PCYT1B: variants seen among roughly 807,000 people sequenced by gnomAD.
The protein encoded by PCYT1B is phosphate cytidylyltransferase 1B, choline, also known as choline-phosphate cytidylyltransferase B.
A neutral mutation model predicts 26.4 loss-of-function variants in PCYT1B; 10 were observed. That is an observed-to-expected ratio of 0.38 (90% CI 0.23 to 0.64). The LOEUF is 0.64. Among genes scored for constraint, PCYT1B ranks in the 30% least tolerant of loss-of-function variants. The pLI is 0.56. For synonymous variants in PCYT1B, 131 were observed against 108.4 expected, an observed-to-expected ratio of 1.21 and a Z score of -1.29; for missense variants, 161 against 292.7, an observed-to-expected ratio of 0.55 and a Z score of 3.28.
intron 2 of PCYT1B, among the ~76,000 whole-genome samples, chrX:24,609,957 G>A (rs1306763737): frequency 9.0e-6 from 1 of 110,503 alleles, no homozygotes; most frequent in South Asian, 3.9e-4. Flanking sequence ...GCCAGATATG[G>A]TGGTAGGCGC....
At chrX:24,670,352 A>G (rs951729132) in intron 1 of PCYT1B, among the ~76,000 whole-genome samples, 1 of 112,263 alleles carries the variant, frequency 8.9e-6, no homozygotes, top group African/African-American at 3.2e-5. Context: ...GTTCATGATT[A>G]TTTTCACCTT....
chrX:24,568,587 A>G (rs58829971), intron 7 of PCYT1B, among the ~76,000 whole-genome samples: 5,866 of 110,615 alleles, frequency 0.053, 262 homozygotes, highest in African/African-American at 0.15. Flanking sequence ...GTATGAACCA[A>G]TGTAATCCTC....
At chrX:24,603,801 A>T (rs1925039776) in intron 3 of PCYT1B, among the ~76,000 whole-genome samples, 1 of 112,120 alleles carries the variant, frequency 8.9e-6, no homozygotes, top group African/African-American at 3.2e-5. Context: ...TTTTGCATAC[A>T]ATCACAAAGT....
chrX:24,654,749 C>CAA (rs574317952), intron 1 of PCYT1B, among the ~76,000 whole-genome samples: 19,398 of 39,953 alleles, frequency 0.49, 4,600 homozygotes, highest in East Asian at 0.56. Flanking sequence ...GACCCTGTCT[C>CAA]AAAAAAAAAA....
intron 1 of PCYT1B, among the ~76,000 whole-genome samples, chrX:24,669,437 A>T (rs1285299284): frequency 1.0e-5 from 1 of 97,966 alleles, no homozygotes; most frequent in African/African-American, 3.8e-5. Context: ...GAATCATTTG[A>T]ACCCAGGAGC....
chrX:24,565,753 G>C (rs1222670021), intron 7 of PCYT1B, among the ~76,000 whole-genome samples: 1 of 101,603 alleles, frequency 9.8e-6, no homozygotes, highest in Non-Finnish European at 2.0e-5. Flanking sequence ...ATTGACATTT[G>C]ACTACACAAA....
chrX:24,661,970 C>T (rs755201088), intron 1 of PCYT1B, among the ~76,000 whole-genome samples: 4 of 111,323 alleles, frequency 3.6e-5, no homozygotes, highest in Non-Finnish European at 5.7e-5. Context: ...TTGAGAACAG[C>T]CTGGGCAACA....
At chrX:24,604,140 G>A (rs1925050718) in intron 3 of PCYT1B, among the ~76,000 whole-genome samples, 1 of 108,068 alleles carries the variant, frequency 9.3e-6, no homozygotes, top group Non-Finnish European at 1.9e-5. Context: ...AGACTGGAGT[G>A]CAGTGGCATG....
chrX:24,591,346 G>A (rs941849582), intron 3 of PCYT1B, among the ~76,000 whole-genome samples: 9 of 111,308 alleles, frequency 8.1e-5, no homozygotes, highest in Non-Finnish European at 1.3e-4. Context: ...AGAGCCTTGC[G>A]GTGGCCAGTC....
chrX:24,626,630 T>C (rs1925891989), intron 1 of PCYT1B, among the ~76,000 whole-genome samples: 1 of 110,534 alleles, frequency 9.0e-6, no homozygotes, highest in African/African-American at 3.3e-5. Context: ...GGGAGGGAGG[T>C]CTATATTAAG....
At chrX:24,635,149 G>A (rs764121666) in intron 1 of PCYT1B, among the ~76,000 whole-genome samples, 9 of 112,277 alleles carry the variant, frequency 8.0e-5, no homozygotes, top group Admixed American at 1.9e-4. Context: ...AATCCAGCAT[G>A]TCACAAAATA....
intron 3 of PCYT1B, among the ~76,000 whole-genome samples, chrX:24,601,820 A>T (rs1435678294): frequency 1.8e-5 from 2 of 112,221 alleles, no homozygotes; most frequent in Admixed American, 1.9e-4. Context: ...ACGCAATAGG[A>T]TCTCTCATTT....
chrX:24,647,074 T>C lies in PCYT1B; in HGVS notation c.32A>G (p.Glu11Gly), dbSNP rs767248071. The change falls in exon 1 of 8, where the codon GAA (glutamate) becomes GGA (glycine). Residue 11 changes from glutamate to glycine, a missense_variant. This residue lies in a region of PCYT1B where 51 missense variants were observed against 51.0 expected (regional missense o/e 1.00). Transcript: ENST00000379144. MPVVTTDAES[E>G]TGIPKSLSNE... ...GGAAAGGGATTTTGGGATACCTGTT[T>C]CTGACTCAGCATCAGTGGTAACTAC... 26 of 1,210,166 alleles carry C rather than the reference T, an allele frequency of 2.1e-5. No individual in the cohort carries two copies. The South Asian group carries it at 4.0e-4, about 19-fold the overall frequency.
intron 1 of PCYT1B, among the ~76,000 whole-genome samples, chrX:24,645,583 T>C (rs1189478454): frequency 9.0e-6 from 1 of 111,351 alleles, no homozygotes; most frequent in Non-Finnish European, 1.9e-5. Flanking sequence ...AATATGCTTT[T>C]AGTGGTCATT....
chrX:24,612,035 A>C (rs1925326201), intron 2 of PCYT1B, among the ~76,000 whole-genome samples: 2 of 112,574 alleles, frequency 1.8e-5, no homozygotes, highest in Non-Finnish European at 3.8e-5. Flanking sequence ...TAGCAGACTT[A>C]CTGTCTTTCT....
chrX:24,648,117 CAAATGCT>C (rs1490067605), upstream of PCYT1B, among the ~76,000 whole-genome samples: 1 of 111,873 alleles, frequency 8.9e-6, no homozygotes, highest in African/African-American at 3.3e-5. Context: ...TGCTCTCAGC[CAAATGCT>C]CATGGCAATC....
intron 2 of PCYT1B, among the ~76,000 whole-genome samples, chrX:24,613,121 G>A (rs1294796527): frequency 9.0e-6 from 1 of 111,729 alleles, no homozygotes; most frequent in Non-Finnish European, 1.9e-5. Flanking sequence ...TGATGTTTGA[G>A]TGCAAATCAA....
intron 1 of PCYT1B, among the ~76,000 whole-genome samples, chrX:24,670,178 C>T (rs774387210): frequency 1.5e-4 from 16 of 107,928 alleles, no homozygotes; most frequent in Non-Finnish European, 1.9e-5. Flanking sequence ...ATAATATCTA[C>T]ATCACAGTAT....
chrX:24,650,658 C>T (rs991451218), upstream of PCYT1B, among the ~76,000 whole-genome samples: 2 of 111,412 alleles, frequency 1.8e-5, no homozygotes, highest in South Asian at 3.8e-4. Flanking sequence ...GTAATGATTT[C>T]AAAAAATCCA....
Sources: allele counts gnomAD v4.1 joint callset (sites outside exome capture counted in the v4.1 genomes callset), GRCh38; gene constraint gnomAD v4.1.1; regional missense constraint gnomAD v4.1.1; transcripts MANE v1.5; gene names NCBI Gene and HGNC (gene_info 2026-07-23, HGNC 2026-07-21).